Variants in TRAPPC6A observed in about 807,000 individuals in gnomAD.
The protein encoded by TRAPPC6A is trafficking protein particle complex subunit 6A, also known as TRAPP complex subunit 6A.
A neutral mutation model predicts 20.8 loss-of-function variants in TRAPPC6A; 25 were observed. The observed-to-expected ratio is 1.20, with a 90% CI of 0.88 to 1.68. TRAPPC6A has a LOEUF of 1.68. Ranked by LOEUF, TRAPPC6A falls within the 40% of genes most tolerant of loss-of-function variation. The pLI is 0.00. For synonymous variants in TRAPPC6A, 96 were observed against 93.3 expected (o/e 1.03, Z -0.16); for missense variants, 215 against 211.6 (o/e 1.02, Z -0.10).
Position 45,165,184 on chromosome 19 carries a change from ATCT to A in TRAPPC6A, c.92_94del (p.Lys31del), listed in dbSNP as rs760006427. The A allele has an allele frequency of 3.2e-5, 52 of 1,604,208 alleles. No homozygotes were observed. Among genetic ancestry groups the A allele is most frequent in the Non-Finnish European group, 4.1e-5 (48 of 1,175,596 alleles). ...CATACCCTCCAGGACCGACAGGCTC[ATCT>A]TCTGTCCCTAGAAGGCCAGGGGAGA... On this transcript the variant is annotated inframe_deletion, in exon 2 of 6. Coordinates refer to ENST00000585934, the MANE Select transcript of TRAPPC6A (RefSeq NM_001270891.2).
Position 45,164,238 on chromosome 19 carries a change from C to G in TRAPPC6A, c.280G>C (p.Val94Leu). Reference sequence around the variant, plus strand: ...AGGGGGAAGCTGTTGTCTTGCAGGACGTAGGTCCCCTGGGGGAGAGGAGAG... The same window carrying G: ...AGGGGGAAGCTGTTGTCTTGCAGGAGGTAGGTCCCCTGGGGGAGAGGAGAG... The part of the protein sequence containing the change: ...SLRTNHQGTY[V>L]LQDNSFPLLL... The change falls in exon 4 of 6, where the codon GTC becomes CTC. Residue 94 changes from valine (V) to leucine (L), a missense_variant. Val to Leu is a conservative substitution (Grantham distance 32). Transcript: ENST00000585934. 6.2e-7 allele frequency: 1 copy of G among 1,604,378 alleles called. No homozygotes were observed. The highest frequency in any genetic ancestry group is 8.5e-7 in the Non-Finnish European group (1 of 1,174,926).
Position 45,163,089 on chromosome 19 carries a change from G to A in TRAPPC6A, c.*103C>T. 7.1e-7 allele frequency: 1 copy of A among 1,400,410 alleles called. No individual in the cohort carries two copies. Among genetic ancestry groups the A allele is most frequent in the South Asian group, 1.2e-5 (1 of 83,098 alleles). The allele number at this position is 1,400,410 out of a possible 1,614,324, so 86.7% of individuals were successfully genotyped here. A position where few individuals can be genotyped will look rare whatever the true frequency, so the allele number is the denominator to read the frequency against. ...CTTCCTGAGCAAATGTGACCCCTAGGGCCTGGGATTCCCAAGACCACCCCG... is the reference window on the plus strand; with the variant it reads ...CTTCCTGAGCAAATGTGACCCCTAGAGCCTGGGATTCCCAAGACCACCCCG... On this transcript the variant is annotated 3_prime_UTR_variant, in exon 6 of 6. Coordinates refer to ENST00000585934, the MANE Select transcript of TRAPPC6A (RefSeq NM_001270891.2). The surrounding 1 kb of genome is among the most constrained non-coding windows in gnomAD (Gnocchi z 5.3).
In TRAPPC6A at chr19:45,163,440, T is replaced by C. The variant is rs1447256896; in HGVS notation, c.449-217A>G. Among the ~76,000 whole-genome samples, 1 of 152,044 alleles carries C rather than the reference T, an allele frequency of 6.6e-6. No individual in the cohort carries two copies. The highest frequency in any genetic ancestry group is 1.5e-5 in the Non-Finnish European group (1 of 67,982). ...CCCAGGGAAGCGCCCGGCACGGGCTTCTGTGGTATGCATTGCTCGGTCCTA... is the reference window on the plus strand; with the variant it reads ...CCCAGGGAAGCGCCCGGCACGGGCTCCTGTGGTATGCATTGCTCGGTCCTA... On this transcript the variant is annotated intron_variant, in intron 5 of 5. Coordinates refer to ENST00000585934, the MANE Select transcript of TRAPPC6A (RefSeq NM_001270891.2). This position sits in a 1 kb window ranked among gnomAD's most constrained non-coding sequence, Gnocchi z 5.3.
At chr19:45,167,209 T>C (rs908982399) in intron 1 of TRAPPC6A, among the ~76,000 whole-genome samples, 16 of 152,128 alleles carry the variant, frequency 1.1e-4, no homozygotes, top group African/African-American at 3.9e-4. Context: ...TGAGACAACG[T>C]GCATCAACAA....
At chr19:45,177,189 G>GCACACA (rs1430293471) in intron 1 of TRAPPC6A, among the ~76,000 whole-genome samples, 1,103 of 97,472 alleles carry the variant, frequency 0.011, 13 homozygotes, top group African/African-American at 0.051. Context: ...ATGCGCGTGC[G>GCACACA]CGCACACACA....
chr19:45,163,106 ACCACCC>A lies in TRAPPC6A; in HGVS notation c.*80_*85del. On this transcript the variant is annotated 3_prime_UTR_variant, in exon 6 of 6. Coordinates refer to ENST00000585934, the MANE Select transcript of TRAPPC6A (RefSeq NM_001270891.2). The surrounding 1 kb of genome is among the most constrained non-coding windows in gnomAD (Gnocchi z 5.3). ...ACCCCTAGGGCCTGGGATTCCCAAG[ACCACCC>A]CGAAATGCAGCGGCCCCACCGTCTC... 6.5e-7 allele frequency: 1 copy of A among 1,538,600 alleles called. No individual in the cohort carries two copies. The highest frequency in any genetic ancestry group is 8.9e-7 in the Non-Finnish European group (1 of 1,118,544).
At position 45,162,958 on chromosome 19, in the gene TRAPPC6A, C is replaced by T; in HGVS notation, c.*234G>A. On this transcript the variant is annotated 3_prime_UTR_variant, in exon 6 of 6. Transcript: ENST00000585934. ...TTCCACACACACAGCCTTTATTGAGCAGCTACTGGGCAGTGACGCTGCCGA... is the reference window on the plus strand; with the variant it reads ...TTCCACACACACAGCCTTTATTGAGTAGCTACTGGGCAGTGACGCTGCCGA... 2.4e-6 allele frequency: 1 copy of T among 417,084 alleles called. No individual in the cohort carries two copies. The allele number at this position is 417,084 out of a possible 1,614,324, so 25.8% of individuals were successfully genotyped here.
chr19:45,169,000 G>T (rs548156931), intron 1 of TRAPPC6A, among the ~76,000 whole-genome samples: 4 of 152,202 alleles, frequency 2.6e-5, no homozygotes, highest in African/African-American at 9.7e-5. Flanking sequence ...ACGGCTTCCT[G>T]TTGCACTGTC....
Position 45,178,180 on chromosome 19 carries a change from C to T in TRAPPC6A, c.39G>A (p.Glu13=), listed in dbSNP as rs1345162593. The change falls in exon 1 of 6, where the codon GAG becomes GAA. Residue 13 remains glutamate (E), a synonymous_variant. Coordinates refer to ENST00000585934, the MANE Select transcript of TRAPPC6A (RefSeq NM_001270891.2). ...DTVLFEFLHT[E]MVAELWAHDP... ...CGTGAGCCCACAGCTCAGCCACCAT[C>T]TCCGTGTGAAGAAACTCAAACAACA... The T allele has an allele frequency of 7.4e-6, 12 of 1,611,894 alleles. No individual in the cohort carries two copies. The highest frequency in any genetic ancestry group is 9.3e-6 in the Non-Finnish European group (11 of 1,178,378).
At chr19:45,176,298 A>C (rs1040849404) in intron 1 of TRAPPC6A, among the ~76,000 whole-genome samples, 1 of 111,972 alleles carries the variant, frequency 8.9e-6, no homozygotes, top group African/African-American at 3.1e-5. Flanking sequence ...CTAAAAATAC[A>C]AAAAAAAAAA....
intron 1 of TRAPPC6A, among the ~76,000 whole-genome samples, chr19:45,167,707 T>C (rs1378879002): frequency 6.6e-6 from 1 of 152,220 alleles, no homozygotes; most frequent in Admixed American, 6.5e-5. Flanking sequence ...GGTCTCGAAC[T>C]CCCAACCTCA....
intron 1 of TRAPPC6A, among the ~76,000 whole-genome samples, chr19:45,176,217 A>G (rs112110333): frequency 0.014 from 2,186 of 152,000 alleles, 62 homozygotes; most frequent in African/African-American, 0.048. Context: ...AGCACTTTGG[A>G]AGCCCGAGGC....
At chr19:45,169,150 C>T (rs1411474633) in intron 1 of TRAPPC6A, among the ~76,000 whole-genome samples, 1 of 152,180 alleles carries the variant, frequency 6.6e-6, no homozygotes, top group Non-Finnish European at 1.5e-5. Flanking sequence ...GAAGAGACCC[C>T]TGCCCGTGGG....
Position 45,163,851 on chromosome 19 carries a change from C to A in TRAPPC6A, c.448+65G>T. The A allele has an allele frequency of 7.1e-7, 1 of 1,413,736 alleles. No individual in the cohort carries two copies. The highest frequency in any genetic ancestry group is 9.7e-7 in the Non-Finnish European group (1 of 1,026,492). 87.6% of individuals were successfully genotyped at this position (1,413,736 alleles called of 1,614,324 possible). On this transcript the variant is annotated intron_variant, in intron 5 of 5. Transcript: ENST00000585934. The surrounding 1 kb of genome is among the most constrained non-coding windows in gnomAD (Gnocchi z 5.3). ...CCCAGGCACACACACAGGAGTGGGG[C>A]TGGAACTCTGAAGCCCCCAGCAACT...
intron 1 of TRAPPC6A, among the ~76,000 whole-genome samples, chr19:45,177,191 G>GCGCGCGCACACA (rs61484972): frequency 6.8e-6 from 1 of 147,890 alleles, no homozygotes; most frequent in African/African-American, 2.5e-5. Flanking sequence ...GCGCGTGCGC[G>GCGCGCGCACACA]CACACACACA....
At position 45,172,636 on chromosome 19, in the gene TRAPPC6A, T is replaced by C. The variant is rs1969289235; in HGVS notation, c.84+5499A>G. ...TCCCTGCTGTTGCCCTCAACTCTCC[T>C]CCCTGGTCCAGCAAGGCATCCTGAG... On this transcript the variant is annotated intron_variant, in intron 1 of 5. Coordinates refer to ENST00000585934, the MANE Select transcript of TRAPPC6A (RefSeq NM_001270891.2). This position sits in a 1 kb window ranked among gnomAD's most constrained non-coding sequence, Gnocchi z 4.2. 1.3e-5 allele frequency among the ~76,000 whole-genome samples: 2 copies of C among 151,542 alleles called. No homozygotes were observed. The highest frequency in any genetic ancestry group is 4.9e-5 in the African/African-American group (2 of 40,894).
chr19:45,165,717 C>T (rs886766358), intron 1 of TRAPPC6A, among the ~76,000 whole-genome samples: 2 of 152,170 alleles, frequency 1.3e-5, no homozygotes, highest in African/African-American at 2.4e-5. Context: ...CGTGGAAGCT[C>T]GGGACAGGCA....
Position 45,163,455 on chromosome 19 carries a change from G to A in TRAPPC6A, c.449-232C>T, listed in dbSNP as rs1330379147. 6.6e-6 allele frequency among the ~76,000 whole-genome samples: 1 copy of A among 152,092 alleles called. No individual in the cohort carries two copies. Among genetic ancestry groups the A allele is most frequent in the Non-Finnish European group, 1.5e-5 (1 of 67,986 alleles). On this transcript the variant is annotated intron_variant, in intron 5 of 5. Transcript: ENST00000585934. This position sits in a 1 kb window ranked among gnomAD's most constrained non-coding sequence, Gnocchi z 5.3. ...GGCACGGGCTTCTGTGGTATGCATT[G>A]CTCGGTCCTACCCCACGGGGGCCCC...
intron 1 of TRAPPC6A, among the ~76,000 whole-genome samples, chr19:45,170,304 G>T (rs1161169140): frequency 6.6e-6 from 1 of 152,244 alleles, no homozygotes; most frequent in Non-Finnish European, 1.5e-5. Context: ...ATGGGCAAAG[G>T]TGCAATGGCC....
Sources: allele counts gnomAD v4.1 joint callset (sites outside exome capture counted in the v4.1 genomes callset), GRCh38; gene constraint gnomAD v4.1.1; non-coding constraint Gnocchi (gnomAD v3.1); transcripts MANE v1.5; gene names NCBI Gene and HGNC (gene_info 2026-07-23, HGNC 2026-07-21).